Variants in PHEX observed in about 807,000 individuals in gnomAD.
PHEX encodes the protein phosphate-regulating neutral endopeptidase PHEX.
A neutral mutation model predicts 68.0 loss-of-function variants in PHEX; 16 were observed. The ratio of observed to expected loss-of-function variants is 0.24; its 90% confidence interval spans 0.16 to 0.36. The LOEUF is 0.36. PHEX is among the 10% of genes least tolerant of loss of function. The probability of loss-of-function intolerance (pLI) is 1.00; values close to 1 mark genes in which losing one functional copy is unlikely to be tolerated. For missense variants in PHEX, 480 were observed against 575.5 expected, an observed-to-expected ratio of 0.83 and a Z score of 1.70; for synonymous variants, 208 against 205.1, an observed-to-expected ratio of 1.01 and a Z score of -0.12.
At chrX:22,186,353 A>G (rs1367120179) in intron 14 of PHEX, among the ~76,000 whole-genome samples, 1 of 112,200 alleles carries the variant, frequency 8.9e-6, no homozygotes, top group Non-Finnish European at 1.9e-5. Context: ...GCTGCGTATT[A>G]TTCTTTAGAA....
chrX:22,037,869 C>T (rs184109375), intron 1 of PHEX, among the ~76,000 whole-genome samples: 1 of 111,483 alleles, frequency 9.0e-6, no homozygotes, highest in Non-Finnish European at 1.9e-5. Flanking sequence ...ACTCTAAAAG[C>T]CAAACATGCT....
chrX:22,206,991 C>G (rs944289032), intron 15 of PHEX, among the ~76,000 whole-genome samples: 1 of 111,879 alleles, frequency 8.9e-6, no homozygotes, highest in Non-Finnish European at 1.9e-5. Flanking sequence ...AATAGTTGAG[C>G]CTGGGGTAAT....
intron 11 of PHEX, among the ~76,000 whole-genome samples, chrX:22,132,533 A>G (rs1048152688): frequency 8.9e-6 from 1 of 112,161 alleles, no homozygotes; most frequent in African/African-American, 3.2e-5. Context: ...AAATCTGGAA[A>G]GAACTGGGGT....
intron 2 of PHEX, among the ~76,000 whole-genome samples, chrX:22,042,908 G>C (rs909380733): frequency 1.8e-5 from 2 of 112,588 alleles, no homozygotes; most frequent in African/African-American, 6.4e-5. Context: ...AGAAAACGAT[G>C]TAACTCTCAG....
At chrX:22,163,955 G>A (rs1933225328) in intron 12 of PHEX, among the ~76,000 whole-genome samples, 1 of 112,075 alleles carries the variant, frequency 8.9e-6, no homozygotes, top group South Asian at 3.7e-4. Flanking sequence ...GAGGGCTGGG[G>A]AGTGAAGGGC....
intron 13 of PHEX, among the ~76,000 whole-genome samples, chrX:22,177,157 A>C (rs935009561): frequency 8.9e-6 from 1 of 111,747 alleles, no homozygotes; most frequent in African/African-American, 3.3e-5. Context: ...GCTAAATGTG[A>C]GCCAGACATT....
chrX:22,190,452 C>T lies in PHEX; in HGVS notation c.1595C>T (p.Thr532Ile), dbSNP rs767812044. ...RKAVPKTEWF[T>I]NPTTVNAFYS... ...TGTTTCTTTTTCTACAGGTGGTTTA[C>T]AAATCCGACGACTGTCAATGCCTTC... The change falls in exon 15 of 22, where the codon ACA (threonine) becomes ATA (isoleucine). Residue 532 changes from threonine (T) to isoleucine (I), a missense_variant. Coordinates refer to ENST00000379374, the MANE Select transcript of PHEX (RefSeq NM_000444.6). 1 of 1,196,723 alleles carries T rather than the reference C, an allele frequency of 8.4e-7. No individual in the cohort carries two copies. The highest frequency in any genetic ancestry group is 1.8e-5 in the South Asian group (1 of 56,651).
In PHEX at chrX:22,038,531, G is replaced by A. The variant is rs770630990; in HGVS notation, c.181G>A (p.Glu61Lys). ...GTACTGCCTGAAGCCAGAATGCATC[G>A]AAGCGGGTAAGTCACAGTTTTCCAT... is the stretch of plus-strand genomic sequence containing the variant. ...QEYCLKPECI[E>K]AAAAILSKVN... Residue 61 changes from glutamate (E) to lysine (K), a missense_variant, in exon 2 of 22, where the codon GAA becomes AAA. Physicochemically the swap from Glu to Lys is moderately conservative, Grantham distance 56. Transcript: ENST00000379374. The A allele has an allele frequency of 1.7e-6, 2 of 1,171,600 alleles. No homozygotes were observed. The highest frequency in any genetic ancestry group is 3.0e-5 in the East Asian group (1 of 33,609).
At chrX:22,223,832 G>C (rs922571058) in intron 18 of PHEX, among the ~76,000 whole-genome samples, 5 of 112,811 alleles carry the variant, frequency 4.4e-5, no homozygotes, top group Middle Eastern at 4.6e-3. Context: ...CAAGAGCCAA[G>C]AGGAGTTGGG....
chrX:22,035,535 C>T (rs1415413743), intron 1 of PHEX, among the ~76,000 whole-genome samples: 1 of 112,705 alleles, frequency 8.9e-6, no homozygotes, highest in East Asian at 2.8e-4. Flanking sequence ...ATGTTATATA[C>T]TTTTCATATG....
chrX:22,180,623 T>C (rs1477254608), intron 14 of PHEX, among the ~76,000 whole-genome samples: 1 of 112,234 alleles, frequency 8.9e-6, no homozygotes, highest in Non-Finnish European at 1.9e-5. Context: ...CCTTTCTTTA[T>C]GTTACAGACA....
At chrX:22,106,276 C>T (rs775581961) in intron 9 of PHEX, among the ~76,000 whole-genome samples, 2 of 111,660 alleles carry the variant, frequency 1.8e-5, no homozygotes, top group African/African-American at 3.3e-5. Flanking sequence ...ACTGAAGAAA[C>T]TCATCAGTGC....
intron 15 of PHEX, among the ~76,000 whole-genome samples, chrX:22,191,808 A>G (rs1038414983): frequency 8.9e-6 from 1 of 112,421 alleles, no homozygotes; most frequent in African/African-American, 3.2e-5. Flanking sequence ...AATAACCTAC[A>G]TATTCCTCTG....
intron 12 of PHEX, chrX:22,163,512 A>T: frequency 8.9e-6 from 1 of 111,957 alleles, no homozygotes; most frequent in Non-Finnish European, 1.9e-5. Flanking sequence ...TGAGGAACGG[A>T]TGTCCAGCTG....
chrX:22,201,848 G>T (rs771647482), intron 15 of PHEX, among the ~76,000 whole-genome samples: 31 of 111,531 alleles, frequency 2.8e-4, no homozygotes, highest in African/African-American at 9.8e-4. Flanking sequence ...GCAAGCCAGG[G>T]TGAGGTGAGC....
At chrX:22,139,455 A>ATAAG (rs754955024) in intron 12 of PHEX, among the ~76,000 whole-genome samples, 1 of 112,133 alleles carries the variant, frequency 8.9e-6, no homozygotes, top group Admixed American at 9.5e-5. Flanking sequence ...AATATCTGGT[A>ATAAG]TAAGTGGGAG....
intron 5 of PHEX, among the ~76,000 whole-genome samples, chrX:22,081,035 T>C (rs1929369398): frequency 9.0e-6 from 1 of 111,672 alleles, no homozygotes; most frequent in Non-Finnish European, 1.9e-5. Flanking sequence ...CTTTGACATG[T>C]GGTACCCGAT....
At chrX:22,125,233 T>C (rs982844286) in intron 11 of PHEX, among the ~76,000 whole-genome samples, 1 of 111,736 alleles carries the variant, frequency 8.9e-6, no homozygotes, top group African/African-American at 3.2e-5. Flanking sequence ...ACATAAATTA[T>C]TAACAACGAT....
At chrX:22,041,279 A>C (rs199504285) in intron 2 of PHEX, among the ~76,000 whole-genome samples, 15,719 of 86,676 alleles carry the variant, frequency 0.18, 1,399 homozygotes, top group Admixed American at 0.29. Flanking sequence ...ATATATATAT[A>C]TATATATATA....
Sources: allele counts gnomAD v4.1 joint callset (sites outside exome capture counted in the v4.1 genomes callset), GRCh38; gene constraint gnomAD v4.1.1; transcripts MANE v1.5; gene names NCBI Gene and HGNC (gene_info 2026-07-23, HGNC 2026-07-21).